ZNF442: variants seen among roughly 807,000 people sequenced by gnomAD.
ZNF442 encodes the protein zinc finger protein 442.
In ZNF442, 45 loss-of-function variants were observed where a neutral mutation model predicts 57.0. The observed-to-expected ratio is 0.79, with a 90% CI of 0.62 to 1.01. The LOEUF is 1.01. Ranked by LOEUF, ZNF442 falls within the 50% of genes least tolerant of loss-of-function variation. The pLI is 0.00. For synonymous variants in ZNF442, 213 were observed against 241.8 expected (o/e 0.88, Z 1.10); for missense variants, 690 against 756.5 (o/e 0.91, Z 1.03).
upstream of ZNF442, among the ~76,000 whole-genome samples, chr19:12,369,617 GC>G (rs1969565037): frequency 6.6e-6 from 1 of 151,648 alleles, no homozygotes; most frequent in South Asian, 2.1e-4. Context: ...AAAACAATGG[GC>G]CGGGCGCAGT....
upstream of ZNF442, among the ~76,000 whole-genome samples, chr19:12,368,563 G>A (rs1241189083): frequency 6.6e-6 from 1 of 152,148 alleles, no homozygotes; most frequent in Non-Finnish European, 1.5e-5. Context: ...ATCCACGACG[G>A]AGAAGTCCCT....
chr19:12,354,743 T>C (rs1243744969), intron 3 of ZNF442, among the ~76,000 whole-genome samples: 1 of 152,162 alleles, frequency 6.6e-6, no homozygotes, highest in Non-Finnish European at 1.5e-5. Flanking sequence ...GCTAAAACAT[T>C]TATGATGATT....
intron 3 of ZNF442, among the ~76,000 whole-genome samples, chr19:12,354,620 G>A (rs1387974871): frequency 2.0e-5 from 3 of 151,792 alleles, no homozygotes; most frequent in Non-Finnish European, 4.4e-5. Flanking sequence ...GCCTAGGCTG[G>A]AGTGCCCTGG....
chr19:12,373,677 C>T, the ZNF442 span: 3 of 304,914 alleles, frequency 9.8e-6, no homozygotes, highest in South Asian at 7.0e-5. Context: ...TCAATATGTG[C>T]CGCCAGTGTT....
At chr19:12,373,538 T>G in the ZNF442 span, 1 of 155,168 alleles carries the variant, frequency 6.4e-6, no homozygotes, top group East Asian at 1.9e-4. Context: ...TAAGACTCTG[T>G]CTTTAAAAAT....
At chr19:12,355,066 C>T (rs1243958346) in intron 3 of ZNF442, among the ~76,000 whole-genome samples, 9 of 151,874 alleles carry the variant, frequency 5.9e-5, no homozygotes, top group African/African-American at 2.2e-4. Context: ...TTGAGGCAGG[C>T]AGATCACGAG....
chr19:12,365,531 AC>A lies in ZNF442; in HGVS notation c.-483+1del. On this transcript the variant is annotated splice_donor_variant, in intron 1 of 5. Coordinates refer to ENST00000242804, the MANE Select transcript of ZNF442 (RefSeq NM_030824.3). LOFTEE classifies it low-confidence loss of function (5UTR_SPLICE). Reference sequence around the variant, plus strand: ...CCAGGACGCCGGGCCCCGCACACTCACCATTTCCCGGCTTCCGCGGTGTCCC... The same window carrying A: ...CCAGGACGCCGGGCCCCGCACACTCACATTTCCCGGCTTCCGCGGTGTCCC... The A allele has an allele frequency of 1.7e-6, 1 of 571,978 alleles. No individual in the cohort carries two copies. The highest frequency in any genetic ancestry group is 1.8e-5 in the South Asian group (1 of 55,854). The allele number at this position is 571,978 out of a possible 1,614,324, so 35.4% of individuals were successfully genotyped here. A position where few individuals can be genotyped will look rare whatever the true frequency, so the allele number is the denominator to read the frequency against.
upstream of ZNF442, among the ~76,000 whole-genome samples, chr19:12,367,206 A>G (rs1969542535): frequency 6.6e-6 from 1 of 152,212 alleles, no homozygotes; most frequent in Admixed American, 6.5e-5. Flanking sequence ...GAGTACAAAG[A>G]GAAGAATTTT....
chr19:12,361,841 T>C (rs1969433172), intron 3 of ZNF442, among the ~76,000 whole-genome samples: 3 of 152,104 alleles, frequency 2.0e-5, no homozygotes, highest in Non-Finnish European at 4.4e-5. Flanking sequence ...TGCTTCAGCC[T>C]GCGGAGAGCC....
At chr19:12,355,628 G>T (rs1489978446) in intron 3 of ZNF442, among the ~76,000 whole-genome samples, 2 of 150,448 alleles carry the variant, frequency 1.3e-5, no homozygotes, top group East Asian at 4.2e-4. Flanking sequence ...CAAAGTGCTG[G>T]GATTACAGGC....
Position 12,365,514 on chromosome 19 carries a change from C to T in ZNF442, c.-483+19G>A. 1.8e-6 allele frequency: 1 copy of T among 565,336 alleles called. No homozygotes were observed. Among genetic ancestry groups the T allele is most frequent in the South Asian group, 1.8e-5 (1 of 55,462 alleles). The allele number at this position is 565,336 out of a possible 1,614,324, so 35.0% of individuals were successfully genotyped here. A position where few individuals can be genotyped will look rare whatever the true frequency, so the allele number is the denominator to read the frequency against. ...CAGTCCTTCGCCCTGCCCCAGGACG[C>T]CGGGCCCCGCACACTCACCATTTCC... On this transcript the variant is annotated intron_variant, in intron 1 of 5. Coordinates refer to ENST00000242804, the MANE Select transcript of ZNF442 (RefSeq NM_030824.3).
At chr19:12,351,593 CCT>C (rs1226673762) in intron 5 of ZNF442, among the ~76,000 whole-genome samples, 1 of 152,138 alleles carries the variant, frequency 6.6e-6, no homozygotes, top group Non-Finnish European at 1.5e-5. Flanking sequence ...GCAACCTCCG[CCT>C]CCCAGGTTCA....
intron 3 of ZNF442, among the ~76,000 whole-genome samples, chr19:12,361,843 C>T (rs1000029896): frequency 5.9e-5 from 9 of 152,086 alleles, no homozygotes; most frequent in East Asian, 1.9e-4. Context: ...CTTCAGCCTG[C>T]GGAGAGCCTG....
At position 12,350,418 on chromosome 19, in the gene ZNF442, G is replaced by A. The variant is rs1434606390; in HGVS notation, c.1167C>T (p.His389=). 1 of 1,613,540 alleles carries A rather than the reference G, an allele frequency of 6.2e-7. No individual in the cohort carries two copies. The change falls in exon 6 of 6, where the codon CAC becomes CAT. Residue 389 remains histidine, a synonymous_variant. Transcript: ENST00000242804. ...CKQCGKALSH[H]SSFRSHMIMH... is the part of the protein sequence containing the mutation. ...TTATCATATGACTTCGAAAGCTTGAGTGATGAGATAACGCTTTCCCACACT... is the reference window on the plus strand; with the variant it reads ...TTATCATATGACTTCGAAAGCTTGAATGATGAGATAACGCTTTCCCACACT...
intron 3 of ZNF442, among the ~76,000 whole-genome samples, chr19:12,363,020 G>T (rs550162816): frequency 1.1e-4 from 16 of 151,840 alleles, no homozygotes; most frequent in African/African-American, 3.9e-4. Flanking sequence ...TTAGCCAGGT[G>T]TGGTGGTGCA....
intron 1 of ZNF442, 92 bp downstream of exon 1, chr19:12,365,441 C>A (rs1031168297): frequency 6.2e-6 from 2 of 320,670 alleles, no homozygotes; most frequent in Non-Finnish European, 1.2e-5. Flanking sequence ...CCGCAGTCGC[C>A]GCGGGGACGC....
chr19:12,349,711 T>C lies in ZNF442; in HGVS notation c.1874A>G (p.Asp625Gly). The change falls in exon 6 of 6, where the codon GAT (aspartate) becomes GGT (glycine). Residue 625 changes from aspartate (D) to glycine (G), a missense_variant. Coordinates refer to ENST00000242804, the MANE Select transcript of ZNF442 (RefSeq NM_030824.3). ...AATGCTTTTCCACATTTATAGAGTA[T>C]CTCTCCAGTGAGTCCTTTTATGTCT... Reference protein sequence around the residue: ...LHRHKRTHWRDTL With the variant: ...LHRHKRTHWRGTL The C allele has an allele frequency of 6.2e-7, 1 of 1,602,494 alleles. No homozygotes were observed.
At chr19:12,358,955 C>T (rs1399722376) in intron 3 of ZNF442, among the ~76,000 whole-genome samples, 2 of 152,122 alleles carry the variant, frequency 1.3e-5, no homozygotes, top group African/African-American at 4.8e-5. Context: ...CCAAGCCAAC[C>T]CACAGAACTC....
chr19:12,363,454 C>T, intron 3 of ZNF442, 100 bp downstream of exon 3: 1 of 1,170,954 alleles, frequency 8.5e-7, no homozygotes, highest in East Asian at 2.3e-5. Context: ...CCACCACCAC[C>T]CCAGGAGATA....
Sources: gnomAD v4.1 joint callset for allele counts (sites outside exome capture counted in the v4.1 genomes callset) on GRCh38, gnomAD v4.1.1 for gene constraint, MANE v1.5 for transcripts, NCBI Gene and HGNC (gene_info 2026-07-23, HGNC 2026-07-21) for gene names.